Variants in ASNSD1 observed in about 807,000 individuals in gnomAD.
ASNSD1 encodes the protein asparagine synthetase domain-containing protein 1.
Under a neutral mutation model 48.3 loss-of-function variants are expected in ASNSD1, and 36 were observed. That is an observed-to-expected ratio of 0.75 (90% CI 0.57 to 0.99). The LOEUF (loss-of-function observed/expected upper bound fraction) is 0.99, where lower values mean the gene tolerates loss of function less well. Ranked by LOEUF, ASNSD1 falls within the 50% of genes least tolerant of loss-of-function variation. The probability of loss-of-function intolerance (pLI) is 0.00; values close to 1 mark genes in which losing one functional copy is unlikely to be tolerated. For synonymous variants in ASNSD1, 257 were observed against 262.1 expected, an observed-to-expected ratio of 0.98 and a Z score of 0.19; for missense variants, 714 against 758.2, an observed-to-expected ratio of 0.94 and a Z score of 0.69.
At chr2:189,667,701 T>C in intron 4 of ASNSD1, 63 bp from the exon 5 acceptor site, 1 of 1,543,782 alleles carries the variant, frequency 6.5e-7, no homozygotes, top group East Asian at 2.3e-5. Context: ...TAGGTGCATT[T>C]ATCTTATTTT....
rs751424792 is a variant in ASNSD1 at position 189,666,625 on chromosome 2, G to A, written c.493G>A (p.Gly165Arg). ...CTCTTCAGTTGGCACCCAAACATCT[G>A]GATTGGCAAATCAGTGGCAAGAAGT... ...CLSSVGTQTS[G>R]LANQWQEVPA... Residue 165 changes from glycine (G) to arginine (R), a missense_variant, in exon 4 of 6, where the codon GGA becomes AGA. By Grantham distance (125) the Gly-to-Arg change is moderately radical. Transcript: ENST00000260952. 4.3e-6 allele frequency: 7 copies of A among 1,613,974 alleles called. No homozygotes were observed. The South Asian group carries it at 6.6e-5, about 15-fold the overall frequency.
At chr2:189,663,445 G>T (rs2032716658) in intron 1 of ASNSD1, among the ~76,000 whole-genome samples, 1 of 151,928 alleles carries the variant, frequency 6.6e-6, no homozygotes, top group South Asian at 2.1e-4. Context: ...TAGAGATGGG[G>T]TGTCTGCATG....
Position 189,666,069 on chromosome 2 carries a change from C to A in ASNSD1, c.-64C>A. ...TATTGGATGAACTGAAAAAAGAATACCAAGAAATAGAAAACTTAGACAAGA... is the reference window on the plus strand; with the variant it reads ...TATTGGATGAACTGAAAAAAGAATAACAAGAAATAGAAAACTTAGACAAGA... On this transcript the variant is annotated 5_prime_UTR_variant, in exon 4 of 6. An upstream open reading frame in the 5' UTR gains an earlier in-frame stop. Coordinates refer to ENST00000260952, the MANE Select transcript of ASNSD1 (RefSeq NM_019048.4). The A allele has an allele frequency of 6.9e-7, 1 of 1,452,456 alleles. No homozygotes were observed. Among genetic ancestry groups the A allele is most frequent in the Non-Finnish European group, 9.2e-7 (1 of 1,092,156 alleles). 90.0% of individuals were successfully genotyped at this position (1,452,456 alleles called of 1,614,324 possible).
At chr2:189,665,506 A>G (rs1402422156) in intron 3 of ASNSD1, 55 bp downstream of exon 3, 5 of 387,298 alleles carry the variant, frequency 1.3e-5, no homozygotes, top group Non-Finnish European at 2.3e-5. Flanking sequence ...TACTCATCTG[A>G]GTGTTAAAAT....
At position 189,666,233 on chromosome 2, in the gene ASNSD1, G is replaced by A. The variant is rs142847766; in HGVS notation, c.101G>A (p.Ser34Asn). The A allele has an allele frequency of 2.0e-4, 319 of 1,614,072 alleles. No homozygotes were observed. The African/African-American group carries it at 3.6e-3, about 18-fold the overall frequency. Reference sequence around the variant, plus strand: ...AATCTTAAACAGCGGGGACCCAATAGTAGTAAACAATTGTTAAAGTCTGAT... The same window carrying A: ...AATCTTAAACAGCGGGGACCCAATAATAGTAAACAATTGTTAAAGTCTGAT... ...LYNLKQRGPN[S>N]SKQLLKSDVN... The change falls in exon 4 of 6, where the codon AGT becomes AAT. Residue 34 changes from serine to asparagine, a missense_variant. Physicochemically the swap from Ser to Asn is conservative, Grantham distance 46. Coordinates refer to ENST00000260952, the MANE Select transcript of ASNSD1 (RefSeq NM_019048.4).
chr2:189,661,672 A>AGGTG (rs1041412887), intron 1 of ASNSD1, 62 bp downstream of exon 1: 4 of 399,080 alleles, frequency 1.0e-5, no homozygotes, highest in Non-Finnish European at 1.8e-5. Context: ...TGGACCCTGA[A>AGGTG]GGTGGTCCGC....
At position 189,666,592 on chromosome 2, in the gene ASNSD1, T is replaced by G. The variant is rs1265350250; in HGVS notation, c.460T>G (p.Phe154Val). 2 of 1,614,014 alleles carry G rather than the reference T, an allele frequency of 1.2e-6. No individual in the cohort carries two copies. Among genetic ancestry groups the G allele is most frequent in the Non-Finnish European group, 1.7e-6 (2 of 1,180,024 alleles). Residue 154 changes from phenylalanine to valine, a missense_variant, in exon 4 of 6, where the codon TTC (phenylalanine) becomes GTC (valine). By Grantham distance (50) the Phe-to-Val change is conservative. Transcript: ENST00000260952. The stretch of plus-strand genomic sequence containing the variant: ...GCATTTTAGTAATTTGGGCAAGAGT[T>G]TCTGCCTCTCTTCAGTTGGCACCCA... ...LWHFSNLGKS[F>V]CLSSVGTQTS... is the part of the protein sequence containing the mutation.
At chr2:189,669,425 T>C (rs1377643529) in intron 5 of ASNSD1, among the ~76,000 whole-genome samples, 1 of 152,176 alleles carries the variant, frequency 6.6e-6, no homozygotes, top group African/African-American at 2.4e-5. Flanking sequence ...ATGAAGAATG[T>C]TTAAAGCAGC....
In ASNSD1 at chr2:189,666,306, T is replaced by A; in HGVS notation, c.174T>A (p.Gly58=). The change falls in exon 4 of 6, where the codon GGT becomes GGA. Residue 58 remains glycine, a synonymous_variant. Transcript: ENST00000260952. ...LFSAHVLHLR[G]VLTTQPVEDE... ...CTGCTCACGTCCTACACTTGAGGGG[T>A]GTTTTGACTACCCAGCCTGTGGAAG... 6.2e-7 allele frequency: 1 copy of A among 1,613,786 alleles called. No homozygotes were observed. Among genetic ancestry groups the A allele is most frequent in the Non-Finnish European group, 8.5e-7 (1 of 1,179,874 alleles).
intron 5 of ASNSD1, 119 bp from the exon 6 acceptor site, chr2:189,670,322 G>A (rs1053863797): frequency 2.3e-5 from 16 of 694,806 alleles, no homozygotes; most frequent in South Asian, 1.7e-4. Flanking sequence ...TGTAGTATAT[G>A]TATTAAAATT....
rs1215227254 is a variant in ASNSD1, at chr2:189,666,600, C to G, written c.468C>G (p.Leu156=). ...GTAATTTGGGCAAGAGTTTCTGCCT[C>G]TCTTCAGTTGGCACCCAAACATCTG... ...HFSNLGKSFC[L]SSVGTQTSGL... is the part of the protein sequence containing the mutation. Residue 156 remains leucine (L), a synonymous_variant, in exon 4 of 6, where the codon CTC becomes CTG. Transcript: ENST00000260952. The G allele has an allele frequency of 1.2e-6, 2 of 1,614,008 alleles. No individual in the cohort carries two copies. Among genetic ancestry groups the G allele is most frequent in the African/African-American group, 1.3e-5 (1 of 74,922 alleles).
intron 4 of ASNSD1, 52 bp from the exon 5 acceptor site, chr2:189,667,712 C>G (rs2032845041): frequency 5.2e-6 from 8 of 1,550,064 alleles, no homozygotes; most frequent in South Asian, 2.5e-5. Context: ...ATCTTATTTT[C>G]TTTACTGTGT....
chr2:189,661,610 G>T lies in ASNSD1; in HGVS notation c.-223G>T. ...CACACAAGGAGGATCTAAGCAGCAAGGTGAGTGTGAGACGCGACGAAAAGG... is the reference window on the plus strand; with the variant it reads ...CACACAAGGAGGATCTAAGCAGCAATGTGAGTGTGAGACGCGACGAAAAGG... On this transcript the variant is annotated splice_region_variant and 5_prime_UTR_variant, in exon 1 of 6. Coordinates refer to ENST00000260952, the MANE Select transcript of ASNSD1 (RefSeq NM_019048.4). The T allele has an allele frequency of 2.5e-6, 1 of 399,396 alleles. No individual in the cohort carries two copies. Among genetic ancestry groups the T allele is most frequent in the Non-Finnish European group, 4.4e-6 (1 of 226,322 alleles). The allele number at this position is 399,396 out of a possible 1,614,324, so 24.7% of individuals were successfully genotyped here. A position where few individuals can be genotyped will look rare whatever the true frequency, so the allele number is the denominator to read the frequency against.
intron 5 of ASNSD1, among the ~76,000 whole-genome samples, chr2:189,670,202 A>AC (rs920035275): frequency 2.0e-5 from 3 of 152,160 alleles, no homozygotes; most frequent in African/African-American, 7.2e-5. Flanking sequence ...AAAAAAAAAA[A>AC]AAAAAATCAT....
Position 189,665,463 on chromosome 2 carries a change from CTTTTTTGGG to C in ASNSD1, c.-93+13_-93+21del, listed in dbSNP as rs2032763682. On this transcript the variant is annotated intron_variant, in intron 3 of 5. Coordinates refer to ENST00000260952, the MANE Select transcript of ASNSD1 (RefSeq NM_019048.4). ...GTCTGAGAGCAAGAGTAAGTTTTTT[CTTTTTTGGG>C]GTTTTTGGGGGGTGCCTAAATTATA... is the stretch of plus-strand genomic sequence containing the variant. The C allele has an allele frequency of 2.5e-6, 1 of 396,830 alleles. No individual in the cohort carries two copies. Among genetic ancestry groups the C allele is most frequent in the Admixed American group, 4.4e-5 (1 of 22,562 alleles). 24.6% of individuals were successfully genotyped at this position (396,830 alleles called of 1,614,324 possible).
chr2:189,667,986 A>G (rs757987196), intron 5 of ASNSD1, 41 bp downstream of exon 5: 14 of 1,553,292 alleles, frequency 9.0e-6, no homozygotes, highest in Non-Finnish European at 1.2e-5. Flanking sequence ...TATTTTTATA[A>G]AAACAGCAGA....
Position 189,666,869 on chromosome 2 carries a change from T to C in ASNSD1, c.737T>C (p.Met246Thr). The C allele has an allele frequency of 1.2e-6, 2 of 1,614,106 alleles. No individual in the cohort carries two copies. The highest frequency in any genetic ancestry group is 1.7e-6 in the Non-Finnish European group (2 of 1,180,014). Residue 246 changes from methionine to threonine, a missense_variant, in exon 4 of 6, where the codon ATG (methionine) becomes ACG (threonine). Transcript: ENST00000260952. Reference sequence around the variant, plus strand: ...GAAAAACCTGTTGTTCCTTTAAATATGATGTTGCCACAAGCTGCATTGGAG... The same window carrying C: ...GAAAAACCTGTTGTTCCTTTAAATACGATGTTGCCACAAGCTGCATTGGAG... ...YLEKPVVPLNMMLPQAALETH... is the reference protein window; with the variant it reads ...YLEKPVVPLNTMLPQAALETH...
At position 189,666,146 on chromosome 2, in the gene ASNSD1, G is replaced by C. The variant is rs546441433; in HGVS notation, c.14G>C (p.Cys5Ser). The C allele has an allele frequency of 6.4e-7, 1 of 1,570,110 alleles. No individual in the cohort carries two copies. The highest frequency in any genetic ancestry group is 1.2e-5 in the South Asian group (1 of 83,210). ...TTTCACATAACAATGTGTGGCATTTGTTGTTCTGTAAACTTTTCTGCTGAG... is the reference window on the plus strand; with the variant it reads ...TTTCACATAACAATGTGTGGCATTTCTTGTTCTGTAAACTTTTCTGCTGAG... Reference protein sequence around the residue: MCGICCSVNFSAEHF... With the variant: MCGISCSVNFSAEHF... The change falls in exon 4 of 6, where the codon TGT (cysteine) becomes TCT (serine). Residue 5 changes from cysteine (C) to serine (S), a missense_variant. Physicochemically the swap from Cys to Ser is moderately radical, Grantham distance 112. Transcript: ENST00000260952.
At chr2:189,665,620 ATATATATATATATATATATATATATATT>A (rs1559034474) in intron 3 of ASNSD1, among the ~76,000 whole-genome samples, 169 bp downstream of exon 3, 10 of 114,334 alleles carry the variant, frequency 8.7e-5, no homozygotes, top group African/African-American at 3.0e-4. Flanking sequence ...ATATATATAT[ATATATATATATATATATATATATATATT>A]ATAAATGTTT....
Sources: gnomAD v4.1 joint callset for allele counts (sites outside exome capture counted in the v4.1 genomes callset) on GRCh38, gnomAD v4.1.1 for gene constraint, MANE v1.5 for transcripts, NCBI Gene and HGNC (gene_info 2026-07-23, HGNC 2026-07-21) for gene names.